The following DYNC1LI2 variants were observed in gnomAD, a reference collection of about 807,000 sequenced individuals.
The protein encoded by DYNC1LI2 is dynein cytoplasmic 1 light intermediate chain 2.
DYNC1LI2 carries 19 observed loss-of-function variants against 57.8 expected under a neutral mutation model. That is an observed-to-expected ratio of 0.33 (90% CI 0.23 to 0.48). DYNC1LI2 has a LOEUF of 0.48. Ranked by LOEUF, DYNC1LI2 falls within the 20% of genes least tolerant of loss-of-function variation. The probability of loss-of-function intolerance (pLI) is 0.99; values close to 1 mark genes in which losing one functional copy is unlikely to be tolerated. For missense variants in DYNC1LI2, 470 were observed against 604.2 expected (o/e 0.78, Z 2.33); for synonymous variants, 256 against 233.4 (o/e 1.10, Z -0.88).
chr16:66,747,756 A>G (rs941782233), intron 3 of DYNC1LI2, among the ~76,000 whole-genome samples: 1 of 151,658 alleles, frequency 6.6e-6, no homozygotes, highest in African/African-American at 2.4e-5. Context: ...TTGTTAGTAG[A>G]GATGGGGTTT....
rs750482338 is a variant in DYNC1LI2 at position 66,736,251 on chromosome 16, G to GA, written c.530-8dup. 6.2e-6 allele frequency: 10 copies of GA among 1,602,958 alleles called. No individual in the cohort carries two copies. In the South Asian group the frequency reaches 6.7e-5, roughly 11 times the overall value. The stretch of plus-strand genomic sequence containing the variant: ...TCTTGAAAATCTTTCACAACTGGGG[G>GA]AAAAAGAGGAAAAAAAATCACATGC... On this transcript the variant is annotated splice_region_variant and splice_polypyrimidine_tract_variant and intron_variant, in intron 4 of 12. Coordinates refer to ENST00000258198, the MANE Select transcript of DYNC1LI2 (RefSeq NM_006141.3).
chr16:66,728,011 A>G, intron 10 of DYNC1LI2, 190 bp downstream of exon 10: 2 of 902,282 alleles, frequency 2.2e-6, no homozygotes, highest in African/African-American at 1.7e-5. Flanking sequence ...TCTAATTCCC[A>G]GAGTTGTATT....
intron 5 of DYNC1LI2, among the ~76,000 whole-genome samples, chr16:66,735,690 T>C (rs2017721617): frequency 2.0e-5 from 3 of 151,802 alleles, no homozygotes; most frequent in Non-Finnish European, 4.4e-5. Flanking sequence ...GTATTTTTTG[T>C]AGAGACGGGG....
rs2017445949 is a variant in DYNC1LI2, at chr16:66,721,191, TTAAA to T, written c.*2527_*2530del. On this transcript the variant is annotated 3_prime_UTR_variant, in exon 13 of 13. Transcript: ENST00000258198. ...AATAAAACATGACAATGTCTTCAGT[TTAAA>T]TACCGATTTTAAAATGCCAATCAAA... is the stretch of plus-strand genomic sequence containing the variant. 1 of 152,618 alleles carries T rather than the reference TTAAA, an allele frequency of 6.6e-6. No homozygotes were observed. The highest frequency in any genetic ancestry group is 1.5e-5 in the Non-Finnish European group (1 of 68,046). 9.5% of individuals were successfully genotyped at this position (152,618 alleles called of 1,614,324 possible). A position where few individuals can be genotyped will look rare whatever the true frequency, so the allele number is the denominator to read the frequency against.
chr16:66,746,363 TCTAC>T (rs2017935534), intron 3 of DYNC1LI2, among the ~76,000 whole-genome samples: 1 of 152,208 alleles, frequency 6.6e-6, no homozygotes, highest in Admixed American at 6.5e-5. Context: ...GACTGTTTTC[TCTAC>T]CTGGGTAACT....
At position 66,721,382 on chromosome 16, in the gene DYNC1LI2, G is replaced by A. The variant is rs2017449185; in HGVS notation, c.*2340C>T. On this transcript the variant is annotated 3_prime_UTR_variant, in exon 13 of 13. Transcript: ENST00000258198. ...AAAGCAGATGTAACCATTATAATGT[G>A]CATAAATAGTCATAAAATTGTCTTT... 1 of 152,158 alleles carries A rather than the reference G, an allele frequency of 6.6e-6. No homozygotes were observed. The highest frequency in any genetic ancestry group is 2.1e-4 in the South Asian group (1 of 4,802). The allele number at this position is 152,158 out of a possible 1,614,324, so 9.4% of individuals were successfully genotyped here. A position where few individuals can be genotyped will look rare whatever the true frequency, so the allele number is the denominator to read the frequency against.
At chr16:66,736,563 G>A (rs904840709) in intron 4 of DYNC1LI2, among the ~76,000 whole-genome samples, 18 of 152,114 alleles carry the variant, frequency 1.2e-4, no homozygotes, top group African/African-American at 4.3e-4. Context: ...CCAGGCTGAA[G>A]TGCAGCAGTC....
At chr16:66,747,646 T>G (rs1433926256) in intron 3 of DYNC1LI2, among the ~76,000 whole-genome samples, 1 of 151,328 alleles carries the variant, frequency 6.6e-6, no homozygotes, top group Non-Finnish European at 1.5e-5. Flanking sequence ...CTCGGCTCAC[T>G]GCAACCTCCA....
rs764485557 is a variant in DYNC1LI2, at chr16:66,742,520, C to T, written c.447G>A (p.Leu149=). Residue 149 remains leucine (L), a synonymous_variant, in exon 4 of 13, where the codon CTG becomes CTA. Coordinates refer to ENST00000258198, the MANE Select transcript of DYNC1LI2 (RefSeq NM_006141.3). ...CACGTAAAACACTAGCCCATTTCTGCAGAGATTCCATCACAGTCCAAGGTC... is the reference window on the plus strand; with the variant it reads ...CACGTAAAACACTAGCCCATTTCTGTAGAGATTCCATCACAGTCCAAGGTC... The part of the protein sequence containing the change: ...MSRPWTVMES[L]QKWASVLREH... 3 of 1,614,220 alleles carry T rather than the reference C, an allele frequency of 1.9e-6. No homozygotes were observed. In the East Asian group the frequency reaches 6.7e-5, roughly 36 times the overall value.
At chr16:66,728,998 T>G in intron 9 of DYNC1LI2, 42 bp downstream of exon 9, 1 of 1,609,004 alleles carries the variant, frequency 6.2e-7, no homozygotes, top group Non-Finnish European at 8.5e-7. Flanking sequence ...TGGCATTTCA[T>G]GCATGAGAAG....
At chr16:66,743,831 T>G (rs1193044554) in intron 3 of DYNC1LI2, among the ~76,000 whole-genome samples, 1 of 152,228 alleles carries the variant, frequency 6.6e-6, no homozygotes, top group East Asian at 1.9e-4. Context: ...AATCATCACT[T>G]ACATAAACTG....
chr16:66,740,538 A>G (rs934588572), intron 4 of DYNC1LI2, among the ~76,000 whole-genome samples: 8 of 152,202 alleles, frequency 5.3e-5, no homozygotes, highest in Admixed American at 2.0e-4. Flanking sequence ...GTCGTGGGAC[A>G]TGGTTCCAGC....
chr16:66,732,221 TGA>T, intron 7 of DYNC1LI2, 116 bp downstream of exon 7: 3 of 1,278,988 alleles, frequency 2.3e-6, no homozygotes, highest in Non-Finnish European at 3.2e-6. Context: ...GAAGGTGCAG[TGA>T]GAGAGCTGGC....
At chr16:66,742,724 C>A in intron 3 of DYNC1LI2, 56 bp from the exon 4 acceptor site, 1 of 1,540,316 alleles carries the variant, frequency 6.5e-7, no homozygotes, top group African/African-American at 1.4e-5. Flanking sequence ...ATCAGCATAG[C>A]TGCAGAAACA....
chr16:66,733,744 C>A (rs2017680571), intron 6 of DYNC1LI2, among the ~76,000 whole-genome samples: 1 of 152,020 alleles, frequency 6.6e-6, no homozygotes, highest in Non-Finnish European at 1.5e-5. Context: ...GTGGCGCACA[C>A]CTGTTGTCCC....
At chr16:66,750,894 C>T (rs530961987) in intron 2 of DYNC1LI2, among the ~76,000 whole-genome samples, 1 of 152,316 alleles carries the variant, frequency 6.6e-6, no homozygotes, top group South Asian at 2.1e-4. Flanking sequence ...TCAAAGAAGG[C>T]TCCCGTGGTC....
intron 12 of DYNC1LI2, among the ~76,000 whole-genome samples, chr16:66,724,418 T>A (rs533858848): frequency 1.3e-5 from 2 of 152,160 alleles, no homozygotes; most frequent in Non-Finnish European, 2.9e-5. Flanking sequence ...GACCAGACTC[T>A]GAGTTTCTTA....
At chr16:66,729,462 A>G (rs1160957615) in intron 8 of DYNC1LI2, among the ~76,000 whole-genome samples, 1 of 151,826 alleles carries the variant, frequency 6.6e-6, no homozygotes, top group East Asian at 1.9e-4. Flanking sequence ...GCCCTGAGCC[A>G]TTTACATAAC....
At chr16:66,725,182 A>T (rs1177855414) in intron 12 of DYNC1LI2, among the ~76,000 whole-genome samples, 2 of 147,338 alleles carry the variant, frequency 1.4e-5, no homozygotes, top group African/African-American at 5.0e-5. Context: ...CTCTATCAAA[A>T]AAAAAAAAAA....
Sources: allele counts gnomAD v4.1 joint callset (sites outside exome capture counted in the v4.1 genomes callset), GRCh38; gene constraint gnomAD v4.1.1; transcripts MANE v1.5; gene names NCBI Gene and HGNC (gene_info 2026-07-23, HGNC 2026-07-21).